PPFIBP2: variants seen among roughly 807,000 people sequenced by gnomAD.
PPFIBP2 encodes the protein liprin-beta-2.
Under a neutral mutation model 118.3 loss-of-function variants are expected in PPFIBP2, and 118 were observed. That is an observed-to-expected ratio of 1.00 (90% CI 0.86 to 1.16). PPFIBP2 has a LOEUF of 1.16. Ranked by LOEUF, PPFIBP2 falls within the 50% of genes most tolerant of loss-of-function variation. PPFIBP2 has a pLI of 0.00. For synonymous variants in PPFIBP2, 414 were observed against 397.4 expected, an observed-to-expected ratio of 1.04 and a Z score of -0.50; for missense variants, 1,195 against 1,073.1, an observed-to-expected ratio of 1.11 and a Z score of -1.59.
intron 17 of PPFIBP2, among the ~76,000 whole-genome samples, chr11:7,645,352 A>G (rs944391907): frequency 2.0e-5 from 3 of 152,204 alleles, no homozygotes; most frequent in African/African-American, 7.2e-5. Context: ...CGATTCGCTC[A>G]GTGCTCTGTA....
chr11:7,563,683 C>T (rs938349746), intron 2 of PPFIBP2, among the ~76,000 whole-genome samples: 2 of 152,178 alleles, frequency 1.3e-5, no homozygotes, highest in African/African-American at 4.8e-5. Context: ...TCTGGTTGGC[C>T]TTATAAATAA....
In PPFIBP2 at chr11:7,535,920, G is replaced by T. The variant is rs1023592118; in HGVS notation, c.-36-13520G>T. 2.6e-5 allele frequency among the ~76,000 whole-genome samples: 4 copies of T among 152,262 alleles called. No individual in the cohort carries two copies. The Middle Eastern group carries it at 0.01, about 388-fold the overall frequency. On this transcript the variant is annotated intron_variant, in intron 1 of 23. Transcript: ENST00000299492. ...GAAGCATGACAGGTGAATGCAGGCT[G>T]CATAGTTCAATGAGGGACCCGGAGA...
intron 2 of PPFIBP2, among the ~76,000 whole-genome samples, chr11:7,551,061 A>T (rs114856537): frequency 0.013 from 1,970 of 152,112 alleles, 42 homozygotes; most frequent in African/African-American, 0.044. Context: ...ATATCTATAG[A>T]TATCTATCTC....
At chr11:7,517,211 GA>G (rs1300872170) in intron 1 of PPFIBP2, among the ~76,000 whole-genome samples, 1 of 152,158 alleles carries the variant, frequency 6.6e-6, no homozygotes, top group Non-Finnish European at 1.5e-5. Flanking sequence ...CTAAATTAGA[GA>G]ACTGTTGTCC....
At chr11:7,515,220 G>T (rs1012662810) in intron 1 of PPFIBP2, among the ~76,000 whole-genome samples, 2 of 152,192 alleles carry the variant, frequency 1.3e-5, no homozygotes, top group Admixed American at 1.3e-4. Context: ...TTTGAAGTGG[G>T]AGATGGGGAT....
chr11:7,604,546 T>C (rs780727515), intron 5 of PPFIBP2, among the ~76,000 whole-genome samples: 15 of 142,424 alleles, frequency 1.1e-4, no homozygotes, highest in Non-Finnish European at 2.0e-4. Context: ...CACCCAGCCA[T>C]ACACACACAC....
intron 3 of PPFIBP2, chr11:7,577,320 CGT>C (rs148907232): frequency 0.033 from 6,971 of 209,672 alleles, 23 homozygotes; most frequent in South Asian, 0.057. Context: ...CATGTATGTG[CGT>C]GTGTGTGTGT....
downstream of PPFIBP2, among the ~76,000 whole-genome samples, chr11:7,661,612 T>A (rs984377491): frequency 1.8e-5 from 2 of 111,384 alleles, no homozygotes; most frequent in African/African-American, 2.9e-5. Context: ...TGCTGAAAAA[T>A]ATGTATATTC....
chr11:7,592,540 G>T (rs903946970), intron 3 of PPFIBP2, among the ~76,000 whole-genome samples: 1 of 147,810 alleles, frequency 6.8e-6, no homozygotes. Context: ...GGCTACCAAA[G>T]CTCTTATTGG....
intron 1 of PPFIBP2, among the ~76,000 whole-genome samples, chr11:7,521,738 G>A (rs7479146): frequency 0.51 from 77,563 of 152,086 alleles, 20,208 homozygotes; most frequent in African/African-American, 0.57. Context: ...GGAGTCTGTG[G>A]TAGATATGGG....
intron 10 of PPFIBP2, 115 bp downstream of exon 10, chr11:7,629,649 A>C: frequency 1.0e-6 from 1 of 988,512 alleles, no homozygotes; most frequent in South Asian, 1.4e-5. Flanking sequence ...AAGACTCCCT[A>C]CTGGAGAACA....
intron 1 of PPFIBP2, among the ~76,000 whole-genome samples, chr11:7,546,185 G>T (rs185467623): frequency 6.6e-6 from 1 of 152,242 alleles, no homozygotes; most frequent in East Asian, 1.9e-4. Flanking sequence ...CAGCTCCTAG[G>T]ATTCTTATGA....
chr11:7,641,402 A>C, intron 15 of PPFIBP2, 77 bp from the exon 16 acceptor site: 6 of 1,480,652 alleles, frequency 4.1e-6, no homozygotes, highest in South Asian at 1.2e-5. Flanking sequence ...ACTGAAGGGG[A>C]GGGCCCAGGC....
At chr11:7,595,987 G>T (rs1467649817) in intron 4 of PPFIBP2, among the ~76,000 whole-genome samples, 1 of 151,040 alleles carries the variant, frequency 6.6e-6, no homozygotes, top group East Asian at 1.9e-4. Flanking sequence ...GTGAACAAAG[G>T]TCACATTTTA....
At chr11:7,647,408 C>T (rs1468191002) in intron 17 of PPFIBP2, among the ~76,000 whole-genome samples, 1 of 152,088 alleles carries the variant, frequency 6.6e-6, no homozygotes, top group Admixed American at 6.5e-5. Context: ...GGAACATAAT[C>T]TAGCTTTTCA....
At chr11:7,519,644 A>G (rs919677844) in intron 1 of PPFIBP2, among the ~76,000 whole-genome samples, 3 of 152,120 alleles carry the variant, frequency 2.0e-5, no homozygotes, top group Non-Finnish European at 4.4e-5. Flanking sequence ...GTTTCCCATA[A>G]TGAAGGGTAG....
intron 3 of PPFIBP2, among the ~76,000 whole-genome samples, chr11:7,568,012 G>A (rs1052632566): frequency 6.6e-6 from 1 of 152,142 alleles, no homozygotes; most frequent in Non-Finnish European, 1.5e-5. Context: ...GAAGGATTAG[G>A]CAGCACTGCC....
chr11:7,563,953 C>G (rs1854635934), intron 2 of PPFIBP2, among the ~76,000 whole-genome samples: 1 of 152,076 alleles, frequency 6.6e-6, no homozygotes, highest in African/African-American at 2.4e-5. Flanking sequence ...ATCATGAGGT[C>G]AGGAGATTGA....
the PPFIBP2 span, among the ~76,000 whole-genome samples, chr11:7,664,009 C>T: frequency 8.6e-5 from 13 of 151,788 alleles, no homozygotes; most frequent in Non-Finnish European, 1.6e-4. Context: ...CTTCGGCTCG[C>T]ACACGGTGCG....
Sources: gnomAD v4.1 joint callset for allele counts (sites outside exome capture counted in the v4.1 genomes callset) on GRCh38, gnomAD v4.1.1 for gene constraint, MANE v1.5 for transcripts, NCBI Gene and HGNC (gene_info 2026-07-23, HGNC 2026-07-21) for gene names.